Variants in SERPINB10 observed in about 807,000 individuals in gnomAD.
SERPINB10 encodes serpin family B member 10.
SERPINB10 carries 35 observed loss-of-function variants against 39.1 expected under a neutral mutation model. The observed-to-expected ratio is 0.90, with a 90% confidence interval of 0.68 to 1.19. The LOEUF (loss-of-function observed/expected upper bound fraction) is 1.19, where lower values mean the gene tolerates loss of function less well. SERPINB10 is among the 50% of genes most tolerant of loss of function. The pLI is 0.00. For missense variants in SERPINB10, 546 were observed against 460.5 expected (o/e 1.19, Z -1.70); for synonymous variants, 190 against 158.1 (o/e 1.20, Z -1.52).
In SERPINB10 at chr18:63,917,454, A is replaced by C. The variant is rs1172470479; in HGVS notation, c.169-2A>C. The C allele has an allele frequency of 6.4e-7, 1 of 1,555,652 alleles. No homozygotes were observed. The highest frequency in any genetic ancestry group is 2.0e-5 in the Admixed American group (1 of 51,216). ...TCATTTGTATTTTTATTGAAATTAC[A>C]GGTGCTTCAATTTAACAGAGACCAG... is the stretch of plus-strand genomic sequence containing the variant. On this transcript the variant is annotated splice_acceptor_variant, in intron 2 of 7. Transcript: ENST00000238508. LOFTEE classifies it high-confidence loss of function.
chr18:63,920,035 A>T, intron 5 of SERPINB10, 130 bp downstream of exon 5: 1 of 489,420 alleles, frequency 2.0e-6, no homozygotes. Context: ...TATTCAGAAC[A>T]TTTATTTCTA....
At chr18:63,932,969 T>C (rs2050233605) in intron 6 of SERPINB10, 79 bp from the exon 7 acceptor site, 3 of 1,323,714 alleles carry the variant, frequency 2.3e-6, no homozygotes, top group South Asian at 2.6e-5. Context: ...GAGCCAATGA[T>C]GGTAGAGAAT....
In SERPINB10 at chr18:63,935,129, A is replaced by G. The variant is rs779261214; in HGVS notation, c.1081A>G (p.Ile361Val). 1.4e-5 allele frequency: 22 copies of G among 1,613,694 alleles called. No individual in the cohort carries two copies. Among genetic ancestry groups the G allele is most frequent in the African/African-American group, 2.7e-5 (2 of 74,952 alleles). ...AGCTGGCAGTGGGAGTGAGATAGAT[A>G]TACGAATTAGAGTCCCATCCATTGA... ...AAAGSGSEIDIRIRVPSIEFN... is the reference protein window; with the variant it reads ...AAAGSGSEIDVRIRVPSIEFN... The change falls in exon 8 of 8, where the codon ATA (isoleucine) becomes GTA (valine). Residue 361 changes from isoleucine (I) to valine (V), a missense_variant. Physicochemically the swap from Ile to Val is conservative, Grantham distance 29. Transcript: ENST00000238508.
At chr18:63,920,253 A>G (rs528811579) in intron 5 of SERPINB10, among the ~76,000 whole-genome samples, 20 of 152,188 alleles carry the variant, frequency 1.3e-4, no homozygotes, top group African/African-American at 4.3e-4. Context: ...ATATCTACTA[A>G]TAACAGAAAT....
intron 5 of SERPINB10, among the ~76,000 whole-genome samples, chr18:63,922,367 T>C (rs1383468856): frequency 6.6e-6 from 1 of 152,022 alleles, no homozygotes; most frequent in Non-Finnish European, 1.5e-5. Flanking sequence ...CTTGCACTTT[T>C]GTAGCTTGTG....
chr18:63,932,327 C>A (rs1323178126), intron 6 of SERPINB10, among the ~76,000 whole-genome samples: 2 of 152,180 alleles, frequency 1.3e-5, no homozygotes, highest in African/African-American at 4.8e-5. Context: ...TAAGAAACTG[C>A]CCAACTGTTT....
chr18:63,920,490 C>T (rs9947135), intron 5 of SERPINB10, among the ~76,000 whole-genome samples: 39,545 of 151,916 alleles, frequency 0.26, 5,816 homozygotes, highest in African/African-American at 0.39. Context: ...TGGTGTTCAG[C>T]ACTGCCATCC....
chr18:63,919,670 T>C (rs906253972), intron 4 of SERPINB10, 118 bp from the exon 5 acceptor site: 7 of 609,910 alleles, frequency 1.1e-5, no homozygotes, highest in African/African-American at 2.0e-5. Context: ...GAGGATGGAG[T>C]GATGGTGTGG....
intron 5 of SERPINB10, among the ~76,000 whole-genome samples, chr18:63,924,293 T>C (rs1350858410): frequency 6.6e-6 from 1 of 151,994 alleles, no homozygotes; most frequent in Non-Finnish European, 1.5e-5. Flanking sequence ...TTCCAGTTTT[T>C]CTTGGGAATT....
At chr18:63,918,361 T>C (rs1250764888) in intron 4 of SERPINB10, among the ~76,000 whole-genome samples, 4 of 152,006 alleles carry the variant, frequency 2.6e-5, no homozygotes, top group Admixed American at 2.6e-4. Flanking sequence ...CAAATACATA[T>C]GGAGACTTGG....
intron 5 of SERPINB10, among the ~76,000 whole-genome samples, chr18:63,925,721 A>T (rs536120348): frequency 6.6e-6 from 1 of 152,192 alleles, no homozygotes. Context: ...ATACAGAAGA[A>T]TGATGGAAAT....
Position 63,934,919 on chromosome 18 carries a change from C to A in SERPINB10, c.871C>A (p.Leu291Ile), listed in dbSNP as rs371464765. ...MMELYEVQLH[L>I]PKFKLEDSYD... The stretch of plus-strand genomic sequence containing the variant: ...GGAGTTGTATGAAGTGCAGCTACAC[C>A]TTCCCAAGTTCAAGCTGGAAGACAG... Residue 291 changes from leucine to isoleucine, a missense_variant, in exon 8 of 8, where the codon CTT becomes ATT. Physicochemically the swap from Leu to Ile is conservative, Grantham distance 5. Transcript: ENST00000238508. The A allele has an allele frequency of 3.7e-6, 6 of 1,614,048 alleles. No homozygotes were observed. The African/African-American group carries it at 8.0e-5, about 22-fold the overall frequency.
intron 6 of SERPINB10, among the ~76,000 whole-genome samples, chr18:63,932,022 G>A (rs913528211): frequency 2.0e-5 from 3 of 152,242 alleles, no homozygotes; most frequent in Admixed American, 2.0e-4. Flanking sequence ...GTAGCCTTTT[G>A]AGGCTGGCTC....
At chr18:63,912,902 T>A (rs12327005) in intron 1 of SERPINB10, among the ~76,000 whole-genome samples, 39,503 of 151,758 alleles carry the variant, frequency 0.26, 5,791 homozygotes, top group African/African-American at 0.39. Flanking sequence ...TGAATCTACT[T>A]GTTCCAGGGC....
intron 5 of SERPINB10, among the ~76,000 whole-genome samples, chr18:63,922,504 G>C (rs1463529217): frequency 1.3e-5 from 2 of 151,934 alleles, no homozygotes; most frequent in African/African-American, 4.8e-5. Context: ...TCCTAGCCTG[G>C]TGACTGTTAT....
intron 7 of SERPINB10, among the ~76,000 whole-genome samples, chr18:63,933,583 A>C (rs145767863): frequency 6.6e-6 from 1 of 152,338 alleles, no homozygotes; most frequent in East Asian, 1.9e-4. Context: ...GGTAGGACCT[A>C]TGTAATTTGA....
chr18:63,932,958 A>T (rs1476701248), intron 6 of SERPINB10, 90 bp from the exon 7 acceptor site: 2 of 1,214,900 alleles, frequency 1.6e-6, no homozygotes, highest in Non-Finnish European at 1.2e-6. Context: ...TCACCAACTG[A>T]GAGCCAATGA....
chr18:63,932,361 C>T (rs765748927), intron 6 of SERPINB10, among the ~76,000 whole-genome samples: 5 of 152,156 alleles, frequency 3.3e-5, no homozygotes, highest in Non-Finnish European at 5.9e-5. Flanking sequence ...TGCCACTGTG[C>T]GTTCCCACCA....
intron 5 of SERPINB10, among the ~76,000 whole-genome samples, chr18:63,928,848 T>TC (rs1378668093): frequency 1.4e-4 from 20 of 143,490 alleles, no homozygotes; most frequent in East Asian, 8.2e-4. Flanking sequence ...TCTCTGTCTG[T>TC]TGTTGGTGTA....
Sources: gnomAD v4.1 joint callset for allele counts (sites outside exome capture counted in the v4.1 genomes callset) on GRCh38, gnomAD v4.1.1 for gene constraint, MANE v1.5 for transcripts, NCBI Gene and HGNC (gene_info 2026-07-23, HGNC 2026-07-21) for gene names.